ZNF644: variants seen among roughly 807,000 people sequenced by gnomAD.
The protein encoded by ZNF644 is zinc finger motif enhancer binding protein 2.
In ZNF644, 20 loss-of-function variants were observed where a neutral mutation model predicts 108.0. That is an observed-to-expected ratio of 0.19 (90% confidence interval 0.13 to 0.27). The LOEUF (loss-of-function observed/expected upper bound fraction) is 0.27. Ranked by LOEUF, ZNF644 falls within the 10% of genes least tolerant of loss-of-function variation. ZNF644 has a pLI of 1.00. For missense variants in ZNF644, 1,338 were observed against 1,548.9 expected, an observed-to-expected ratio of 0.86 and a Z score of 2.29; for synonymous variants, 542 against 539.1, an observed-to-expected ratio of 1.01 and a Z score of -0.08.
At chr1:91,009,025 A>G (rs1659699039) in intron 1 of ZNF644, among the ~76,000 whole-genome samples, 1 of 152,156 alleles carries the variant, frequency 6.6e-6, no homozygotes, top group African/African-American at 2.4e-5. Flanking sequence ...CTTGAGCCCA[A>G]GAGTTCAAGA....
chr1:90,980,162 G>A (rs1199291085), intron 2 of ZNF644, among the ~76,000 whole-genome samples: 2 of 152,146 alleles, frequency 1.3e-5, no homozygotes, highest in Non-Finnish European at 2.9e-5. Flanking sequence ...TAAGATAAAC[G>A]AGACATGGAT....
At chr1:90,975,729 C>A (rs944201375) in intron 2 of ZNF644, among the ~76,000 whole-genome samples, 2 of 152,146 alleles carry the variant, frequency 1.3e-5, no homozygotes, top group African/African-American at 4.8e-5. Context: ...CAGGTGTGAG[C>A]CACCACGCCT....
intron 1 of ZNF644, among the ~76,000 whole-genome samples, chr1:90,988,393 A>C (rs1001239046): frequency 3.3e-5 from 5 of 152,322 alleles, no homozygotes; most frequent in African/African-American, 1.2e-4. Context: ...AAACCATAAA[A>C]TATACCAATA....
intron 2 of ZNF644, among the ~76,000 whole-genome samples, chr1:90,981,298 T>C (rs1244408210): frequency 6.6e-6 from 1 of 152,086 alleles, no homozygotes; most frequent in Non-Finnish European, 1.5e-5. Context: ...TAACGATCAA[T>C]AAGGTATGAC....
In ZNF644 at chr1:90,939,187, G is replaced by A; in HGVS notation, c.2167C>T (p.His723Tyr). 2 of 1,613,788 alleles carry A rather than the reference G, an allele frequency of 1.2e-6. No homozygotes were observed. The highest frequency in any genetic ancestry group is 1.7e-6 in the Non-Finnish European group (2 of 1,179,890). Reference protein sequence around the residue: ...SSVDQKPKYFHQAAKEKSNAK... With the variant: ...SSVDQKPKYFYQAAKEKSNAK... ...TTAGACTTTTCTTTTGCTGCTTGAT[G>A]GAAATACTTAGGTTTTTGGTCAACG... The change falls in exon 3 of 6, where the codon CAT becomes TAT. Residue 723 changes from histidine to tyrosine, a missense_variant. Physicochemically the swap from His to Tyr is moderately conservative, Grantham distance 83. This residue lies in a region of ZNF644 where 462 missense variants were observed against 472.6 expected (regional missense o/e 0.98). Transcript: ENST00000337393.
At chr1:91,019,915 A>G (rs921109810) in intron 1 of ZNF644, among the ~76,000 whole-genome samples, 4 of 152,188 alleles carry the variant, frequency 2.6e-5, no homozygotes, top group African/African-American at 9.7e-5. Context: ...GAACCTAACA[A>G]TATTTAATTA....
intron 5 of ZNF644, among the ~76,000 whole-genome samples, 169 bp downstream of exon 5, chr1:90,917,883 G>A (rs529952765): frequency 1.3e-5 from 2 of 152,168 alleles, no homozygotes; most frequent in Non-Finnish European, 2.9e-5. Context: ...GTTGAAGTAC[G>A]GATATTGTGA....
intron 2 of ZNF644, 93 bp from the exon 3 acceptor site, chr1:90,941,402 T>A: frequency 1.8e-6 from 2 of 1,117,292 alleles, no homozygotes; most frequent in Non-Finnish European, 2.5e-6. Context: ...TTTATTAGTT[T>A]AATTTTCTAC....
intron 1 of ZNF644, among the ~76,000 whole-genome samples, chr1:90,990,704 T>C (rs1410199923): frequency 6.6e-6 from 1 of 152,134 alleles, no homozygotes; most frequent in Non-Finnish European, 1.5e-5. Flanking sequence ...GTGTGGAAAC[T>C]ATCCAAGCAA....
At chr1:91,000,523 C>T (rs994589284) in intron 1 of ZNF644, among the ~76,000 whole-genome samples, 1 of 151,688 alleles carries the variant, frequency 6.6e-6, no homozygotes, top group Admixed American at 6.6e-5. Flanking sequence ...AGAATCTCTG[C>T]GACACATTTA....
At chr1:91,012,646 A>G (rs554706685) in intron 1 of ZNF644, among the ~76,000 whole-genome samples, 140 of 152,052 alleles carry the variant, frequency 9.2e-4, no homozygotes, top group Non-Finnish European at 9.0e-4. Context: ...CTATCTGGGT[A>G]TTTCATTTAA....
At chr1:90,943,821 G>A (rs1652255130) in intron 2 of ZNF644, among the ~76,000 whole-genome samples, 1 of 152,126 alleles carries the variant, frequency 6.6e-6, no homozygotes, top group Admixed American at 6.5e-5. Context: ...AATGTCAAGG[G>A]AAAGAAAAGC....
chr1:91,001,917 T>G (rs1336452959), intron 1 of ZNF644, among the ~76,000 whole-genome samples: 2 of 152,128 alleles, frequency 1.3e-5, no homozygotes, highest in African/African-American at 4.8e-5. Flanking sequence ...ATGAGTGAAC[T>G]CCCATTCACA....
chr1:90,968,520 AAAT>A (rs1655153885), intron 2 of ZNF644, among the ~76,000 whole-genome samples: 1 of 152,206 alleles, frequency 6.6e-6, no homozygotes, highest in African/African-American at 2.4e-5. Context: ...TGAATTGAGA[AAAT>A]AAGGAAAATT....
intron 4 of ZNF644, among the ~76,000 whole-genome samples, chr1:90,936,409 C>T (rs958040640): frequency 3.3e-5 from 5 of 152,034 alleles, no homozygotes; most frequent in East Asian, 3.9e-4. Context: ...ACTCTTTATT[C>T]GAAAGAAAAA....
chr1:91,012,317 A>G (rs1335150674), intron 1 of ZNF644, among the ~76,000 whole-genome samples: 3 of 147,780 alleles, frequency 2.0e-5, no homozygotes, highest in African/African-American at 7.9e-5. Flanking sequence ...ACCGAAAGAA[A>G]AAAAAAAAAA....
chr1:90,960,554 G>C (rs531020350), intron 2 of ZNF644, among the ~76,000 whole-genome samples: 1 of 152,100 alleles, frequency 6.6e-6, no homozygotes, highest in Non-Finnish European at 1.5e-5. Flanking sequence ...ATGGTTAATC[G>C]TATGTAATGT....
At chr1:90,934,058 T>C (rs777521131) in intron 4 of ZNF644, among the ~76,000 whole-genome samples, 1 of 152,216 alleles carries the variant, frequency 6.6e-6, no homozygotes, top group Non-Finnish European at 1.5e-5. Context: ...CCTACTTGTA[T>C]AGTCTCTTAT....
chr1:90,935,739 G>A (rs1052291504), intron 4 of ZNF644, among the ~76,000 whole-genome samples: 1 of 152,232 alleles, frequency 6.6e-6, no homozygotes. Context: ...TGGAAAGGTA[G>A]ACGAGGAGTG....
Sources: gnomAD v4.1 joint callset for allele counts (sites outside exome capture counted in the v4.1 genomes callset) on GRCh38, gnomAD v4.1.1 for gene constraint, gnomAD v4.1.1 regional missense constraint, MANE v1.5 for transcripts, NCBI Gene and HGNC (gene_info 2026-07-23, HGNC 2026-07-21) for gene names.